CREM: variants seen among roughly 807,000 people sequenced by gnomAD.
The protein encoded by CREM is cAMP responsive element modulator.
CREM carries 13 observed loss-of-function variants against 37.3 expected under a neutral mutation model. That is an observed-to-expected ratio of 0.35 (90% CI 0.23 to 0.55). The LOEUF (loss-of-function observed/expected upper bound fraction) is 0.55, where lower values mean the gene tolerates loss of function less well. Ranked by LOEUF, CREM falls within the 20% of genes least tolerant of loss-of-function variation. CREM has a pLI of 0.88. For missense variants in CREM, 296 were observed against 362.3 expected, an observed-to-expected ratio of 0.82 and a Z score of 1.49; for synonymous variants, 124 against 120.2, an observed-to-expected ratio of 1.03 and a Z score of -0.21.
intron 3 of CREM, among the ~76,000 whole-genome samples, chr10:35,156,307 G>A (rs1198358342): frequency 6.6e-6 from 1 of 151,802 alleles, no homozygotes; most frequent in Non-Finnish European, 1.5e-5. Flanking sequence ...GGAGTGCAGT[G>A]ATATGATCGT....
intron 3 of CREM, among the ~76,000 whole-genome samples, chr10:35,172,762 G>A (rs2093884137): frequency 6.6e-6 from 1 of 152,166 alleles, no homozygotes; most frequent in Non-Finnish European, 1.5e-5. Flanking sequence ...AAGCACGTGT[G>A]TTATTTGAGT....
intron 6 of CREM, among the ~76,000 whole-genome samples, chr10:35,198,748 A>G (rs896307938): frequency 1.3e-5 from 2 of 152,220 alleles, no homozygotes; most frequent in African/African-American, 4.8e-5. Flanking sequence ...ACAAATTTGG[A>G]AAACTAGTGT....
intron 1 of CREM, among the ~76,000 whole-genome samples, chr10:35,129,603 T>C (rs2088900181): frequency 6.6e-6 from 1 of 152,242 alleles, no homozygotes; most frequent in South Asian, 2.1e-4. Flanking sequence ...TGGATGTTCT[T>C]ACTGAAAAGC....
At chr10:35,137,914 A>C in intron 2 of CREM, 35 bp downstream of exon 2, 1 of 1,545,466 alleles carries the variant, frequency 6.5e-7, no homozygotes, top group African/African-American at 1.4e-5. Context: ...TCTTTTGAAA[A>C]TTCTACTTAG....
intron 6 of CREM, among the ~76,000 whole-genome samples, chr10:35,191,070 A>G (rs546214919): frequency 3.5e-4 from 46 of 129,800 alleles, no homozygotes; most frequent in Non-Finnish European, 7.2e-4. Flanking sequence ...TTCTTTTAAC[A>G]GTTGAACATT....
At chr10:35,138,615 C>T (rs1282069819) in intron 2 of CREM, among the ~76,000 whole-genome samples, 1 of 151,590 alleles carries the variant, frequency 6.6e-6, no homozygotes, top group Non-Finnish European at 1.5e-5. Context: ...CAACCTCTGC[C>T]TCCCAGGTTC....
At chr10:35,211,229 G>C in intron 7 of CREM, 25 bp from the exon 8 acceptor site, 1 of 1,607,672 alleles carries the variant, frequency 6.2e-7, no homozygotes, top group East Asian at 2.2e-5. Context: ...TGTTCCTGTA[G>C]TCATTTGCCT....
chr10:35,165,056 C>CAAAAAAAAAAAAAAAA (rs60898349), intron 3 of CREM, among the ~76,000 whole-genome samples: 2 of 74,952 alleles, frequency 2.7e-5, no homozygotes, highest in African/African-American at 5.3e-5. Context: ...GGCTCCATCT[C>CAAAAAAAAAAAAAAAA]AAAAAAAAAA....
At chr10:35,129,254 CATTTTT>C (rs1461445077) in intron 1 of CREM, among the ~76,000 whole-genome samples, 4 of 152,136 alleles carry the variant, frequency 2.6e-5, no homozygotes, top group Non-Finnish European at 5.9e-5. Context: ...AAACATAGGA[CATTTTT>C]ATTTTTAGTC....
intron 6 of CREM, among the ~76,000 whole-genome samples, chr10:35,203,198 A>T (rs544651069): frequency 2.4e-4 from 36 of 151,978 alleles, no homozygotes; most frequent in African/African-American, 8.0e-4. Flanking sequence ...GACGCACGCC[A>T]CCACACCTGG....
chr10:35,190,009 G>T (rs1175145133), intron 6 of CREM, among the ~76,000 whole-genome samples: 1 of 152,152 alleles, frequency 6.6e-6, no homozygotes, highest in East Asian at 1.9e-4. Context: ...ATGTTTTCTT[G>T]AAATGTAAAA....
chr10:35,135,036 T>C (rs1248728963), intron 1 of CREM, among the ~76,000 whole-genome samples: 1 of 143,380 alleles, frequency 7.0e-6, no homozygotes. Flanking sequence ...AGACTCAGTC[T>C]CAAAAAAAAA....
At chr10:35,172,714 C>CG (rs897446448) in intron 3 of CREM, among the ~76,000 whole-genome samples, 1 of 152,056 alleles carries the variant, frequency 6.6e-6, no homozygotes, top group Non-Finnish European at 1.5e-5. Context: ...AAAGCACCCC[C>CG]CCGCTGCGTC....
At chr10:35,207,540 T>C (rs75265869) in intron 7 of CREM, among the ~76,000 whole-genome samples, 50,194 of 151,600 alleles carry the variant, frequency 0.33, 8,399 homozygotes, top group Non-Finnish European at 0.35. Flanking sequence ...CTTTGGGAGG[T>C]CAAGGCGGGC....
chr10:35,143,069 C>G (rs2091643078), intron 2 of CREM, among the ~76,000 whole-genome samples: 1 of 152,196 alleles, frequency 6.6e-6, no homozygotes, highest in Non-Finnish European at 1.5e-5. Flanking sequence ...CTCCCAGGTT[C>G]AAGCAATTCT....
At chr10:35,178,540 C>T (rs189264316) in intron 3 of CREM, among the ~76,000 whole-genome samples, 5 of 152,272 alleles carry the variant, frequency 3.3e-5, no homozygotes, top group East Asian at 1.9e-4. Context: ...CTCCTGGATT[C>T]GTAGGAGCAC....
At chr10:35,181,031 C>T (rs933904449) in intron 5 of CREM, among the ~76,000 whole-genome samples, 1 of 152,236 alleles carries the variant, frequency 6.6e-6, no homozygotes, top group Non-Finnish European at 1.5e-5. Flanking sequence ...ATTTCTCTGG[C>T]ATATGCTAAT....
At chr10:35,154,016 C>T (rs1433412892) in intron 3 of CREM, 2 of 398,344 alleles carry the variant, frequency 5.0e-6, no homozygotes, top group East Asian at 7.1e-5. Context: ...TTCTGAATTT[C>T]TGATGGCTTC....
intron 1 of CREM, among the ~76,000 whole-genome samples, chr10:35,130,245 T>TAC (rs1174088437): frequency 2.0e-5 from 3 of 151,560 alleles, no homozygotes; most frequent in African/African-American, 7.3e-5. Context: ...TGTATCTCAT[T>TAC]ACACAATAGG....
Sources: allele counts gnomAD v4.1 joint callset (sites outside exome capture counted in the v4.1 genomes callset), GRCh38; gene constraint gnomAD v4.1.1; transcripts MANE v1.5; gene names NCBI Gene and HGNC (gene_info 2026-07-23, HGNC 2026-07-21).